Variants in MTG1 observed in about 807,000 individuals in gnomAD.
MTG1 encodes the protein mitochondrial ribosome associated GTPase 1, also known as mitochondrial ribosome-associated GTPase 1.
A neutral mutation model predicts 39.5 loss-of-function variants in MTG1; 30 were observed. That is an observed-to-expected ratio of 0.76 (90% CI 0.57 to 1.03). The LOEUF (loss-of-function observed/expected upper bound fraction) is 1.03, where lower values mean the gene tolerates loss of function less well. Ranked by LOEUF, MTG1 falls within the 50% of genes least tolerant of loss-of-function variation. The pLI is 0.00. For synonymous variants in MTG1, 217 were observed against 179.0 expected, an observed-to-expected ratio of 1.21 and a Z score of -1.69; for missense variants, 513 against 447.4, an observed-to-expected ratio of 1.15 and a Z score of -1.32.
Position 133,395,754 on chromosome 10 carries a change from A to G in MTG1, c.154A>G (p.Ile52Val), listed in dbSNP as rs778007627. The G allele has an allele frequency of 1.9e-6, 3 of 1,613,982 alleles. No homozygotes were observed. The highest frequency in any genetic ancestry group is 1.3e-5 in the African/African-American group (1 of 74,916). ...GAGCAGCCTGAAGCTGGTGGACTGT[A>G]TCATCGAGGTCCACGATGCCCGGAT... ...MQSSLKLVDC[I>V]IEVHDARIPL... Residue 52 changes from isoleucine (I) to valine (V), a missense_variant, in exon 2 of 11, where the codon ATC (isoleucine) becomes GTC (valine). Coordinates refer to ENST00000317502, the MANE Select transcript of MTG1 (RefSeq NM_138384.4).
Position 133,399,523 on chromosome 10 carries a change from G to A in MTG1, c.421-6G>A. 6.2e-7 allele frequency: 1 copy of A among 1,613,850 alleles called. No homozygotes were observed. The highest frequency in any genetic ancestry group is 8.5e-7 in the Non-Finnish European group (1 of 1,179,768). On this transcript the variant is annotated splice_region_variant and splice_polypyrimidine_tract_variant and intron_variant, in intron 5 of 10. Transcript: ENST00000317502. ...GGCCCTGTGACCCCTCTCTCTGCCTGCGCAGAACCTGGAGTACTGTATCAT... is the reference window on the plus strand; with the variant it reads ...GGCCCTGTGACCCCTCTCTCTGCCTACGCAGAACCTGGAGTACTGTATCAT...
At chr10:133,405,578 T>A (rs1849958525) in intron 9 of MTG1, among the ~76,000 whole-genome samples, 1 of 152,224 alleles carries the variant, frequency 6.6e-6, no homozygotes, top group Non-Finnish European at 1.5e-5. Flanking sequence ...ACATTTGAGT[T>A]AGAACATGCA....
rs1312287618 is a variant in MTG1 at position 133,415,923 on chromosome 10, G to T, written c.753-3557G>T. Among the ~76,000 whole-genome samples, 3 of 115,228 alleles carry T rather than the reference G, an allele frequency of 2.6e-5. No individual in the cohort carries two copies. In the Admixed American group the frequency reaches 3.0e-4, roughly 12 times the overall value. 75.6% of individuals were successfully genotyped at this position (115,228 alleles called of 152,430 possible). A position where few individuals can be genotyped will look rare whatever the true frequency, so the allele number is the denominator to read the frequency against. On this transcript the variant is annotated intron_variant, in intron 9 of 10. Coordinates refer to ENST00000317502, the MANE Select transcript of MTG1 (RefSeq NM_138384.4). ...AGGCACGTGGGCCTCAGGCACACAG[G>T]TATCACGTGGGTATCAGGCACGCAG... is the stretch of plus-strand genomic sequence containing the variant.
chr10:133,397,467 T>A (rs1056732421), intron 3 of MTG1, among the ~76,000 whole-genome samples: 6 of 150,834 alleles, frequency 4.0e-5, no homozygotes, highest in African/African-American at 1.2e-4. Context: ...TATCTCTTTG[T>A]CTTGTGTCTT....
In MTG1 at chr10:133,394,513, C is replaced by T. The variant is rs187589502; in HGVS notation, c.112+181C>T. On this transcript the variant is annotated intron_variant, in intron 1 of 10. Transcript: ENST00000317502. ...CTCCCGGAGCCGCCGGGACCCCTTC[C>T]CCTGCGCAGCTGCGGGAGAGGCCCG... 9,654 of 1,331,266 alleles carry T rather than the reference C, an allele frequency of 7.3e-3. 62 individuals carry two copies. The highest frequency in any genetic ancestry group is 0.034 in the Middle Eastern group (121 of 3,602). The allele number at this position is 1,331,266 out of a possible 1,614,324, so 82.5% of individuals were successfully genotyped here.
intron 3 of MTG1, among the ~76,000 whole-genome samples, chr10:133,396,905 G>A (rs982279660): frequency 3.3e-5 from 5 of 152,172 alleles, no homozygotes; most frequent in African/African-American, 4.8e-5. Flanking sequence ...TTGCCAAGCC[G>A]ACTGTGGTCT....
intron 1 of MTG1, chr10:133,394,649 A>C: frequency 8.3e-7 from 1 of 1,201,132 alleles, no homozygotes; most frequent in African/African-American, 1.6e-5. Context: ...CTGCCCTTTT[A>C]ATCCCCCGAA....
intron 9 of MTG1, among the ~76,000 whole-genome samples, chr10:133,406,472 T>G (rs1172267069): frequency 6.6e-6 from 1 of 151,756 alleles, no homozygotes; most frequent in African/African-American, 2.4e-5. Flanking sequence ...ATTGTTTCCT[T>G]TGCTGTGCAG....
At chr10:133,413,315 T>C (rs1052535319) in intron 9 of MTG1, among the ~76,000 whole-genome samples, 7 of 152,192 alleles carry the variant, frequency 4.6e-5, no homozygotes, top group African/African-American at 1.7e-4. Context: ...GGTTTCACCA[T>C]GTTGGCCAGG....
rs914625116 is a variant in MTG1 at position 133,396,275 on chromosome 10, C to T, written c.282+8C>T. 3 of 1,609,832 alleles carry T rather than the reference C, an allele frequency of 1.9e-6. No individual in the cohort carries two copies. The highest frequency in any genetic ancestry group is 2.7e-5 in the African/African-American group (2 of 74,866). ...GATCTTACAGAGCAGCAGGTAAAGG[C>T]CTTTCTCTCAGACGCCTTCAGCAGT... On this transcript the variant is annotated splice_region_variant and intron_variant, in intron 3 of 10. Coordinates refer to ENST00000317502, the MANE Select transcript of MTG1 (RefSeq NM_138384.4).
At chr10:133,400,243 A>G (rs1286535602) in intron 6 of MTG1, among the ~76,000 whole-genome samples, 1 of 152,220 alleles carries the variant, frequency 6.6e-6, no homozygotes, top group African/African-American at 2.4e-5. Context: ...CAGAGAATAC[A>G]AAGCGTGTGA....
At position 133,394,244 on chromosome 10, in the gene MTG1, G is replaced by C. The variant is rs1179811095; in HGVS notation, c.24G>C (p.Leu8=). The C allele has an allele frequency of 5.3e-6, 8 of 1,518,324 alleles. No individual in the cohort carries two copies. Among genetic ancestry groups the C allele is most frequent in the African/African-American group, 4.3e-5 (3 of 69,554 alleles). 94.1% of individuals were successfully genotyped at this position (1,518,324 alleles called of 1,614,324 possible). Reference sequence around the variant, plus strand: ...CCATGAGATTGACCCCGCGCGCGCTGTGCAGCGCCGCCCAGGCCGCCTGGC... The same window carrying C: ...CCATGAGATTGACCCCGCGCGCGCTCTGCAGCGCCGCCCAGGCCGCCTGGC... The part of the protein sequence containing the change: MRLTPRA[L]CSAAQAAWRE... Residue 8 remains leucine (L), a synonymous_variant, in exon 1 of 11, where the codon CTG becomes CTC. Transcript: ENST00000317502.
At chr10:133,405,873 A>G (rs996373184) in intron 9 of MTG1, among the ~76,000 whole-genome samples, 6 of 152,190 alleles carry the variant, frequency 3.9e-5, no homozygotes, top group African/African-American at 1.2e-4. Context: ...GCTGGATCCT[A>G]TGGCAGTTCT....
At chr10:133,407,840 G>A (rs967158618) in intron 9 of MTG1, among the ~76,000 whole-genome samples, 2 of 152,192 alleles carry the variant, frequency 1.3e-5, no homozygotes, top group African/African-American at 2.4e-5. Flanking sequence ...AAAGTGCTGG[G>A]ATTACAGGCG....
intron 9 of MTG1, among the ~76,000 whole-genome samples, chr10:133,414,967 C>G (rs1371334813): frequency 6.6e-6 from 1 of 152,236 alleles, no homozygotes; most frequent in East Asian, 1.9e-4. Context: ...AGCTGGAGAC[C>G]AGCCCGGCCA....
Position 133,401,530 on chromosome 10 carries a change from GA to G in MTG1, c.516del (p.Ala173ProfsTer14). On this transcript the variant is annotated frameshift_variant and splice_region_variant, in exon 7 of 11. Coordinates refer to ENST00000317502, the MANE Select transcript of MTG1 (RefSeq NM_138384.4). LOFTEE classifies it high-confidence loss of function. Reference sequence around the variant, plus strand: ...CCTCCTTTTCTCCTTTTCCTACAGGGAAAGCCACCAGGGTGGGTGGCGAGCC... The same window carrying G: ...CCTCCTTTTCTCCTTTTCCTACAGGGAAGCCACCAGGGTGGGTGGCGAGCC... ...SLRRQHLRKG[K>X]ATRVGGEPGI... 1 of 1,569,868 alleles carries G rather than the reference GA, an allele frequency of 6.4e-7. No homozygotes were observed. The highest frequency in any genetic ancestry group is 8.6e-7 in the Non-Finnish European group (1 of 1,157,860).
intron 9 of MTG1, among the ~76,000 whole-genome samples, chr10:133,411,366 G>T (rs1850043708): frequency 6.6e-6 from 1 of 152,130 alleles, no homozygotes; most frequent in Non-Finnish European, 1.5e-5. Context: ...CTGCTTGTAG[G>T]ATTCTTTCTT....
chr10:133,411,385 A>C (rs1850044092), intron 9 of MTG1, among the ~76,000 whole-genome samples: 1 of 151,914 alleles, frequency 6.6e-6, no homozygotes, highest in African/African-American at 2.4e-5. Flanking sequence ...TTTGTCCTTG[A>C]CTTTTGAGAG....
chr10:133,397,871 C>T (rs1849811359), intron 3 of MTG1, among the ~76,000 whole-genome samples: 1 of 151,142 alleles, frequency 6.6e-6, no homozygotes, highest in Non-Finnish European at 1.5e-5. Flanking sequence ...GAAAATGTGA[C>T]TTTTTGTAGA....
Sources: gnomAD v4.1 joint callset for allele counts (sites outside exome capture counted in the v4.1 genomes callset) on GRCh38, gnomAD v4.1.1 for gene constraint, MANE v1.5 for transcripts, NCBI Gene and HGNC (gene_info 2026-07-23, HGNC 2026-07-21) for gene names.